The following LARS2 variants were observed in gnomAD, a reference collection of about 807,000 sequenced individuals.
LARS2 encodes leucyl-tRNA synthetase 2, mitochondrial.
A neutral mutation model predicts 116.6 loss-of-function variants in LARS2; 81 were observed. That is an observed-to-expected ratio of 0.69 (90% CI 0.58 to 0.84). LARS2 has a LOEUF of 0.84. LARS2 is among the 40% of genes least tolerant of loss of function. LARS2 has a pLI of 0.00. For missense variants in LARS2, 968 were observed against 1,114.5 expected (o/e 0.87, Z 1.87); for synonymous variants, 396 against 407.2 (o/e 0.97, Z 0.33).
intron 20 of LARS2, among the ~76,000 whole-genome samples, chr3:45,532,770 C>T: frequency 6.6e-6 from 1 of 151,880 alleles, no homozygotes; most frequent in East Asian, 1.9e-4. Context: ...GCCTCCTGAG[C>T]AGCTGGGATT....
intron 20 of LARS2, among the ~76,000 whole-genome samples, chr3:45,528,463 A>G (rs1700564869): frequency 6.6e-6 from 1 of 152,210 alleles, no homozygotes. Context: ...CCTAAAATTT[A>G]CCCATTTTAA....
At chr3:45,419,812 G>A (rs1452711393) in intron 6 of LARS2, 83 bp downstream of exon 6, 1 of 1,131,730 alleles carries the variant, frequency 8.8e-7, no homozygotes, top group East Asian at 2.3e-5. Flanking sequence ...TCTTTGAGTT[G>A]GGAGAAGGCA....
chr3:45,486,484 T>G (rs1052125123), intron 11 of LARS2, among the ~76,000 whole-genome samples: 2 of 152,204 alleles, frequency 1.3e-5, no homozygotes. Context: ...GACCTGTGCA[T>G]TTTTCATTCC....
Position 45,394,425 on chromosome 3 carries a change from T to C in LARS2, c.-21-8T>C. On this transcript the variant is annotated splice_polypyrimidine_tract_variant and splice_region_variant and intron_variant, in intron 2 of 21. Transcript: ENST00000645846. Reference sequence around the variant, plus strand: ...AGCTCATAGTGTGCTTTCTGCCCTCTTTTTCAGGGCCTTCTCACCTTCTGA... The same window carrying C: ...AGCTCATAGTGTGCTTTCTGCCCTCCTTTTCAGGGCCTTCTCACCTTCTGA... 6.4e-7 allele frequency: 1 copy of C among 1,565,150 alleles called. No individual in the cohort carries two copies. The highest frequency in any genetic ancestry group is 1.1e-5 in the South Asian group (1 of 89,910).
intron 18 of LARS2, chr3:45,519,903 C>A: frequency 4.5e-6 from 1 of 221,148 alleles, no homozygotes; most frequent in South Asian, 6.1e-5. Flanking sequence ...CCACCTCGGC[C>A]TTCCAAAGTG....
At chr3:45,484,121 C>T (rs1428261616) in intron 10 of LARS2, 1 of 151,148 alleles carries the variant, frequency 6.6e-6, no homozygotes, top group Non-Finnish European at 1.5e-5. Flanking sequence ...GTGGGAGGAT[C>T]AGGGTGAAAC....
At chr3:45,540,499 T>C (rs1700775098) in intron 20 of LARS2, among the ~76,000 whole-genome samples, 1 of 152,158 alleles carries the variant, frequency 6.6e-6, no homozygotes, top group South Asian at 2.1e-4. Context: ...TAATGCATTG[T>C]ACTAGTCTCA....
At chr3:45,481,696 T>G (rs1234649478) in intron 10 of LARS2, among the ~76,000 whole-genome samples, 1 of 152,214 alleles carries the variant, frequency 6.6e-6, no homozygotes, top group Admixed American at 6.5e-5. Flanking sequence ...TCATTTTAAT[T>G]TTTAATTTTA....
At chr3:45,456,260 A>G (rs1200676555) in intron 7 of LARS2, among the ~76,000 whole-genome samples, 3 of 152,104 alleles carry the variant, frequency 2.0e-5, no homozygotes, top group African/African-American at 7.2e-5. Context: ...AAATACAGTT[A>G]TGATTTGTCA....
chr3:45,389,327 A>T (rs552952652), intron 1 of LARS2, among the ~76,000 whole-genome samples: 6 of 151,890 alleles, frequency 4.0e-5, no homozygotes, highest in Non-Finnish European at 5.9e-5. Context: ...AACTTAGATC[A>T]TCCCACACAC....
chr3:45,404,505 C>G (rs1369594342), intron 4 of LARS2, among the ~76,000 whole-genome samples: 1 of 152,174 alleles, frequency 6.6e-6, no homozygotes, highest in African/African-American at 2.4e-5. Context: ...AACTTGGACT[C>G]AAGTTTAACG....
chr3:45,446,969 T>C lies in LARS2; in HGVS notation c.595T>C (p.Tyr199His). Residue 199 changes from tyrosine to histidine, a missense_variant, in exon 7 of 22, where the codon TAT (tyrosine) becomes CAT (histidine). Physicochemically the swap from Tyr to His is moderately conservative, Grantham distance 83 (BLOSUM62 2). Coordinates refer to ENST00000645846, the MANE Select transcript of LARS2 (RefSeq NM_015340.4). ...TAAACTGTATGAGGCTGGGCTGGCC[T>C]ATCAAAAGGAGGTAAGTTAAAATTA... ...FIKLYEAGLA[Y>H]QKEALVNWDP... 1 of 1,592,172 alleles carries C rather than the reference T, an allele frequency of 6.3e-7. No homozygotes were observed. The highest frequency in any genetic ancestry group is 1.7e-5 in the Admixed American group (1 of 58,752).
At chr3:45,500,213 G>C (rs1700095649) in intron 14 of LARS2, among the ~76,000 whole-genome samples, 2 of 152,308 alleles carry the variant, frequency 1.3e-5, no homozygotes, top group Admixed American at 6.5e-5. Flanking sequence ...TGTTGGGCAG[G>C]CTGGTCTCGA....
intron 10 of LARS2, among the ~76,000 whole-genome samples, chr3:45,478,862 A>G (rs1337930355): frequency 6.6e-6 from 1 of 152,182 alleles, no homozygotes; most frequent in Non-Finnish European, 1.5e-5. Flanking sequence ...AGTGTAATAC[A>G]ATGTTCCCAA....
chr3:45,466,136 A>G (rs142209346), intron 8 of LARS2, among the ~76,000 whole-genome samples: 2 of 152,390 alleles, frequency 1.3e-5, no homozygotes, highest in East Asian at 3.9e-4. Context: ...ATCAGGAACC[A>G]TAAAGATAGA....
intron 10 of LARS2, 124 bp downstream of exon 10, chr3:45,476,751 A>T (rs1699618121): frequency 1.1e-6 from 1 of 898,464 alleles, no homozygotes; most frequent in African/African-American, 1.7e-5. Flanking sequence ...CCTTAGCCTG[A>T]TTTTTTATGT....
chr3:45,504,719 T>C (rs1472261199), intron 15 of LARS2, among the ~76,000 whole-genome samples: 3 of 152,002 alleles, frequency 2.0e-5, no homozygotes, highest in Admixed American at 6.6e-5. Flanking sequence ...GTTACTGTCA[T>C]GGTCTCACAG....
intron 20 of LARS2, among the ~76,000 whole-genome samples, chr3:45,535,185 TAAA>T (rs1186686196): frequency 3.3e-5 from 5 of 151,700 alleles, no homozygotes; most frequent in African/African-American, 4.8e-5. Flanking sequence ...CTGTCTCTAC[TAAA>T]AAAATACAAA....
At chr3:45,526,767 A>G (rs1444042889) in intron 20 of LARS2, among the ~76,000 whole-genome samples, 3 of 152,092 alleles carry the variant, frequency 2.0e-5, no homozygotes, top group African/African-American at 7.2e-5. Context: ...GACAAACAAC[A>G]TTCAAGATAG....
Sources: allele counts gnomAD v4.1 joint callset (sites outside exome capture counted in the v4.1 genomes callset), GRCh38; gene constraint gnomAD v4.1.1; transcripts MANE v1.5; gene names NCBI Gene and HGNC (gene_info 2026-07-23, HGNC 2026-07-21).